UHMK1: variants seen among roughly 807,000 people sequenced by gnomAD.
UHMK1 encodes serine/threonine-protein kinase Kist.
A neutral mutation model predicts 44.0 loss-of-function variants in UHMK1; 18 were observed. The ratio of observed to expected loss-of-function variants is 0.41; its 90% CI spans 0.28 to 0.61. The LOEUF (loss-of-function observed/expected upper bound fraction) is 0.61. UHMK1 is among the 20% of genes least tolerant of loss of function. The pLI is 0.31. For synonymous variants in UHMK1, 231 were observed against 198.5 expected, an observed-to-expected ratio of 1.16 and a Z score of -1.38; for missense variants, 463 against 522.5, an observed-to-expected ratio of 0.89 and a Z score of 1.11.
At chr1:162,497,305 C>T (rs80028183), upstream of UHMK1, 2,163 of 702,560 alleles carry the variant, frequency 3.1e-3, 58 homozygotes, top group East Asian at 0.052. Flanking sequence ...AGGTATGAGG[C>T]TAGTCGGACC....
chr1:162,505,464 GTCATTA>G (rs1440989598), intron 4 of UHMK1, among the ~76,000 whole-genome samples: 1 of 152,182 alleles, frequency 6.6e-6, no homozygotes, highest in Non-Finnish European at 1.5e-5. Flanking sequence ...GCTATGTATT[GTCATTA>G]TCAAGTACAG....
chr1:162,503,313 A>G (rs1277225520), intron 3 of UHMK1, among the ~76,000 whole-genome samples: 1 of 152,076 alleles, frequency 6.6e-6, no homozygotes, highest in Non-Finnish European at 1.5e-5. Context: ...TTCCTCTGTT[A>G]AGATTGTAGG....
At chr1:162,522,365 T>C (rs1165420821) in intron 7 of UHMK1, 39 bp from the exon 8 acceptor site, 2 of 1,608,422 alleles carry the variant, frequency 1.2e-6, no homozygotes, top group Non-Finnish European at 1.7e-6. Flanking sequence ...AAAACAATCT[T>C]GGTGGAAATG....
intron 7 of UHMK1, among the ~76,000 whole-genome samples, chr1:162,519,473 A>G (rs1296260246): frequency 6.6e-6 from 1 of 152,204 alleles, no homozygotes; most frequent in African/African-American, 2.4e-5. Context: ...GATAGTTTAA[A>G]GAAGGAAAGT....
At chr1:162,515,167 CTTTATT>C (rs1295980871) in intron 6 of UHMK1, among the ~76,000 whole-genome samples, 5 of 151,850 alleles carry the variant, frequency 3.3e-5, no homozygotes, top group Admixed American at 3.3e-4. Context: ...AAACAGAAAG[CTTTATT>C]TTATGTTTCC....
At chr1:162,504,231 A>G (rs955749218) in intron 4 of UHMK1, among the ~76,000 whole-genome samples, 1 of 152,250 alleles carries the variant, frequency 6.6e-6, no homozygotes, top group African/African-American at 2.4e-5. Flanking sequence ...GTTTTTTATT[A>G]TACTTTAAAT....
At position 162,518,102 on chromosome 1, in the gene UHMK1, A is replaced by G; in HGVS notation, c.1025A>G (p.Asp342Gly). The change falls in exon 7 of 8, where the codon GAT (aspartate) becomes GGT (glycine). Residue 342 changes from aspartate (D) to glycine (G), a missense_variant and splice_region_variant. Asp to Gly is a moderately conservative substitution (Grantham distance 94). This residue lies in a region of UHMK1 where 264 missense variants were observed against 326.3 expected (regional missense o/e 0.81). Coordinates refer to ENST00000489294, the MANE Select transcript of UHMK1 (RefSeq NM_175866.5). ...TACTGTTATGTGTTTTAATAATCAG[A>G]TGTTGTAGAAGATGTAAAAGAGGAG... ...DYLENEEEYE[D>G]VVEDVKEECQ... 1 of 1,603,930 alleles carries G rather than the reference A, an allele frequency of 6.2e-7. No individual in the cohort carries two copies. The highest frequency in any genetic ancestry group is 8.5e-7 in the Non-Finnish European group (1 of 1,171,030).
At position 162,522,712 on chromosome 1, in the gene UHMK1, A is replaced by G. The variant is rs1652104360; in HGVS notation, c.*162A>G. On this transcript the variant is annotated 3_prime_UTR_variant, in exon 8 of 8. Transcript: ENST00000489294. ...TGCCCAAGCAGTGACTGCGTTGCAT[A>G]CATTTGGCACTGAGTAGGACAAGAC... 2 of 783,878 alleles carry G rather than the reference A, an allele frequency of 2.6e-6. No individual in the cohort carries two copies. The highest frequency in any genetic ancestry group is 1.9e-5 in the South Asian group (1 of 51,860). The allele number at this position is 783,878 out of a possible 1,614,324, so 48.6% of individuals were successfully genotyped here.
At chr1:162,518,648 C>T (rs1269168581) in intron 7 of UHMK1, among the ~76,000 whole-genome samples, 1 of 150,278 alleles carries the variant, frequency 6.7e-6, no homozygotes, top group Non-Finnish European at 1.5e-5. Context: ...TGCCACTGCA[C>T]TCCAGCCTGG....
At chr1:162,501,737 C>T (rs1651276433) in intron 3 of UHMK1, among the ~76,000 whole-genome samples, 1 of 151,996 alleles carries the variant, frequency 6.6e-6, no homozygotes, top group Admixed American at 6.6e-5. Context: ...ACTAATACAA[C>T]CATAGCTTAT....
intron 4 of UHMK1, 103 bp from the exon 5 acceptor site, chr1:162,512,397 T>C: frequency 2.3e-6 from 2 of 876,752 alleles, no homozygotes; most frequent in East Asian, 2.4e-5. Flanking sequence ...CATGCTAATA[T>C]AATTAATGCT....
chr1:162,497,975 C>G lies in UHMK1; in HGVS notation c.-26C>G, dbSNP rs750884738. Reference sequence around the variant, plus strand: ...CTGCCTCAGGCGTCGCGTCAGCTCCCGTGTCCGTGCCCTTAACCCACACCG... The same window carrying G: ...CTGCCTCAGGCGTCGCGTCAGCTCCGGTGTCCGTGCCCTTAACCCACACCG... On this transcript the variant is annotated 5_prime_UTR_variant, in exon 1 of 8. Transcript: ENST00000489294. 4.0e-6 allele frequency: 6 copies of G among 1,487,488 alleles called. No individual in the cohort carries two copies. Among genetic ancestry groups the G allele is most frequent in the African/African-American group, 2.9e-5 (2 of 68,962 alleles). The allele number at this position is 1,487,488 out of a possible 1,614,324, so 92.1% of individuals were successfully genotyped here.
At chr1:162,498,348 T>C in intron 1 of UHMK1, 80 bp downstream of exon 1, 3 of 1,485,494 alleles carry the variant, frequency 2.0e-6, no homozygotes, top group Non-Finnish European at 2.7e-6. Flanking sequence ...TGGCGTTCCA[T>C]CTTCCTCCCC....
chr1:162,508,090 T>C (rs1651542585), intron 4 of UHMK1, among the ~76,000 whole-genome samples: 1 of 151,994 alleles, frequency 6.6e-6, no homozygotes, highest in Non-Finnish European at 1.5e-5. Flanking sequence ...TATATCGTTT[T>C]TTAAAAATGT....
Position 162,498,174 on chromosome 1 carries a change from G to T in UHMK1, c.174G>T (p.Pro58=), listed in dbSNP as rs55807440. 1.3e-3 allele frequency: 2,016 copies of T among 1,612,748 alleles called. 2 individuals are homozygous for T. Among genetic ancestry groups the T allele is most frequent in the Non-Finnish European group, 1.5e-3 (1,739 of 1,179,460 alleles). ...CCGGCGCCCTCAAGCAGTTCTTGCC[G>T]CCAGGAACCACCGGGGCTGCGGCCT... The part of the protein sequence containing the change: ...SPPGALKQFL[P]PGTTGAAASA... Residue 58 remains proline (P), a synonymous_variant, in exon 1 of 8, where the codon CCG becomes CCT. Transcript: ENST00000489294.
chr1:162,520,742 TA>T (rs992976327), intron 7 of UHMK1, among the ~76,000 whole-genome samples: 2 of 152,146 alleles, frequency 1.3e-5, no homozygotes, highest in African/African-American at 4.8e-5. Context: ...TAGGGAGTGG[TA>T]GGGGGCTTAT....
intron 7 of UHMK1, among the ~76,000 whole-genome samples, chr1:162,521,357 T>C (rs1249899195): frequency 6.6e-6 from 1 of 152,106 alleles, no homozygotes; most frequent in Non-Finnish European, 1.5e-5. Flanking sequence ...CTTCTATAAA[T>C]GCATGTCTAC....
At position 162,528,946 on chromosome 1, in the gene UHMK1, G is replaced by A. The variant is rs1054527131; in HGVS notation, c.*6396G>A. On this transcript the variant is annotated 3_prime_UTR_variant, in exon 8 of 8. Transcript: ENST00000489294. Reference sequence around the variant, plus strand: ...TAATGGTTGATGGCATCCTGTGTCAGCTGGAGTAGTTGGTTGTGAATATTA... The same window carrying A: ...TAATGGTTGATGGCATCCTGTGTCAACTGGAGTAGTTGGTTGTGAATATTA... The A allele has an allele frequency of 6.6e-6, 1 of 152,056 alleles. No individual in the cohort carries two copies. The highest frequency in any genetic ancestry group is 1.5e-5 in the Non-Finnish European group (1 of 67,980). 9.4% of individuals were successfully genotyped at this position (152,056 alleles called of 1,614,324 possible). A position where few individuals can be genotyped will look rare whatever the true frequency, so the allele number is the denominator to read the frequency against.
intron 4 of UHMK1, among the ~76,000 whole-genome samples, chr1:162,509,309 C>G (rs1353708540): frequency 1.3e-5 from 2 of 151,978 alleles, no homozygotes; most frequent in Non-Finnish European, 2.9e-5. Flanking sequence ...GGATTGTGTT[C>G]CCAAGATTTC....
Sources: allele counts gnomAD v4.1 joint callset (sites outside exome capture counted in the v4.1 genomes callset), GRCh38; gene constraint gnomAD v4.1.1; regional missense constraint gnomAD v4.1.1; transcripts MANE v1.5; gene names NCBI Gene and HGNC (gene_info 2026-07-23, HGNC 2026-07-21).